The following SLC5A9 variants were observed in gnomAD, a reference collection of about 807,000 sequenced individuals.
SLC5A9 encodes sodium/glucose cotransporter 4.
Under a neutral mutation model 70.9 loss-of-function variants are expected in SLC5A9, and 59 were observed. The observed-to-expected ratio is 0.83, with a 90% CI of 0.68 to 1.03. The LOEUF (loss-of-function observed/expected upper bound fraction) is 1.03, where lower values mean the gene tolerates loss of function less well. Ranked by LOEUF, SLC5A9 falls within the 50% of genes least tolerant of loss-of-function variation. The pLI is 0.00. For missense variants in SLC5A9, 832 were observed against 881.1 expected (o/e 0.94, Z 0.71); for synonymous variants, 340 against 346.5 (o/e 0.98, Z 0.21).
At chr1:48,235,914 C>T (rs780889650) in intron 10 of SLC5A9, 35 bp downstream of exon 10, 1 of 1,612,984 alleles carries the variant, frequency 6.2e-7, no homozygotes. Flanking sequence ...TTCCGAAGTG[C>T]CCTCTCCCCT....
intron 1 of SLC5A9, 48 bp from the exon 2 acceptor site, chr1:48,224,676 G>T: frequency 6.3e-7 from 1 of 1,589,448 alleles, no homozygotes; most frequent in Non-Finnish European, 8.6e-7. Context: ...GCAGGGCAGA[G>T]GTTCAGAGAG....
intron 5 of SLC5A9, 76 bp downstream of exon 5, chr1:48,230,781 AC>A (rs1387038073): frequency 9.1e-7 from 1 of 1,095,880 alleles, no homozygotes; most frequent in Non-Finnish European, 1.4e-6. Flanking sequence ...AGGAGAGACA[AC>A]CAGAGAGAGA....
At position 48,237,958 on chromosome 1, in the gene SLC5A9, A is replaced by G. The variant is rs1644350681; in HGVS notation, c.1461+111A>G. 5.0e-5 allele frequency: 58 copies of G among 1,157,648 alleles called. 1 individual carries two copies. The South Asian group carries it at 8.5e-4, about 17-fold the overall frequency. 71.7% of individuals were successfully genotyped at this position (1,157,648 alleles called of 1,614,324 possible). The stretch of plus-strand genomic sequence containing the variant: ...AAATCCACTTCCCCTCTAGGCTTCC[A>G]TTTTCCTGACCACAGCATCCAGCCT... On this transcript the variant is annotated intron_variant, in intron 11 of 13. Transcript: ENST00000438567.
chr1:48,235,708 A>G lies in SLC5A9; in HGVS notation c.1142-21A>G, dbSNP rs747713149. 7.4e-6 allele frequency: 12 copies of G among 1,613,638 alleles called. No individual in the cohort carries two copies. The South Asian group carries it at 1.3e-4, about 18-fold the overall frequency. On this transcript the variant is annotated intron_variant, in intron 9 of 13. Coordinates refer to ENST00000438567, the MANE Select transcript of SLC5A9 (RefSeq NM_001011547.3). ...CGGCCTTAATGGGCCAGCCGTTCAC[A>G]TGAGCCTCGTCTCTCCCCAGGTCTG...
intron 10 of SLC5A9, 126 bp downstream of exon 10, chr1:48,236,005 C>T (rs954774783): frequency 1.9e-6 from 2 of 1,034,210 alleles, no homozygotes; most frequent in Non-Finnish European, 2.8e-6. Context: ...GTTCAAGCTC[C>T]AGCTCTCCAC....
In SLC5A9 at chr1:48,246,577, G is replaced by T. The variant is rs1441851274; in HGVS notation, c.1838-758G>T. 2.0e-5 allele frequency among the ~76,000 whole-genome samples: 3 copies of T among 152,090 alleles called. No homozygotes were observed. In the South Asian group the frequency reaches 6.2e-4, roughly 32 times the overall value. On this transcript the variant is annotated intron_variant, in intron 13 of 13. Coordinates refer to ENST00000438567, the MANE Select transcript of SLC5A9 (RefSeq NM_001011547.3). ...ACTTCTTTTGAATTTAGTTTTTAGT[G>T]AATTGTGCTACCTTTTAACCTCAGA...
At chr1:48,237,870 T>C in intron 11 of SLC5A9, 23 bp downstream of exon 11, 1 of 1,612,516 alleles carries the variant, frequency 6.2e-7, no homozygotes, top group South Asian at 1.1e-5. Context: ...TACCTGTCTC[T>C]CACATACAGC....
rs1644363475 is a variant in SLC5A9, at chr1:48,239,199, T to C, written c.1462-123T>C. 4.2e-6 allele frequency: 3 copies of C among 709,604 alleles called. No homozygotes were observed. Among genetic ancestry groups the C allele is most frequent in the Admixed American group, 2.6e-5 (1 of 37,956 alleles). 44.0% of individuals were successfully genotyped at this position (709,604 alleles called of 1,614,324 possible). ...AATGGAGAACTCATTTTCCCATTAGTAGATGGATTTGCCCAACATGGCAAT... is the reference window on the plus strand; with the variant it reads ...AATGGAGAACTCATTTTCCCATTAGCAGATGGATTTGCCCAACATGGCAAT... On this transcript the variant is annotated intron_variant, in intron 11 of 13. Coordinates refer to ENST00000438567, the MANE Select transcript of SLC5A9 (RefSeq NM_001011547.3). The surrounding 1 kb of genome is among the most constrained non-coding windows in gnomAD (Gnocchi z 4.2).
intron 6 of SLC5A9, 151 bp downstream of exon 6, chr1:48,231,776 GT>G: frequency 3.3e-6 from 5 of 1,504,450 alleles, no homozygotes; most frequent in Non-Finnish European, 4.5e-6. Flanking sequence ...AAAGAGCAGG[GT>G]TCTCGCTACT....
chr1:48,244,201 T>C (rs1407667419), intron 13 of SLC5A9, among the ~76,000 whole-genome samples: 2 of 152,218 alleles, frequency 1.3e-5, no homozygotes, highest in Non-Finnish European at 2.9e-5. Flanking sequence ...TCTCATTGGA[T>C]TGGCCATAGC....
intron 13 of SLC5A9, 61 bp downstream of exon 13, chr1:48,242,677 C>T (rs974875264): frequency 2.7e-5 from 39 of 1,459,134 alleles, no homozygotes; most frequent in Middle Eastern, 2.6e-4. Context: ...AGACCTATGT[C>T]ATGGGCGGTC....
chr1:48,235,283 G>A (rs1169389390), intron 9 of SLC5A9, among the ~76,000 whole-genome samples: 1 of 152,184 alleles, frequency 6.6e-6, no homozygotes, highest in Non-Finnish European at 1.5e-5. Context: ...TGTCAATGAA[G>A]AAGGTATGGA....
chr1:48,234,481 G>T lies in SLC5A9; in HGVS notation c.1141+719G>T, dbSNP rs145158941. Among the ~76,000 whole-genome samples, 175 of 152,266 alleles carry T rather than the reference G, an allele frequency of 1.1e-3. 3 individuals carry two copies. The South Asian group carries it at 0.022, about 19-fold the overall frequency. On this transcript the variant is annotated intron_variant, in intron 9 of 13. Coordinates refer to ENST00000438567, the MANE Select transcript of SLC5A9 (RefSeq NM_001011547.3). ...GGTAGGCAGGGAGATTGTCCATGGG[G>T]AGTTTGCAGTGGTCCAGGTAGGTGG... is the stretch of plus-strand genomic sequence containing the variant.
At chr1:48,244,910 A>ATATATATATATATATATATATAT (rs56780309) in intron 13 of SLC5A9, among the ~76,000 whole-genome samples, 12 of 110,626 alleles carry the variant, frequency 1.1e-4, no homozygotes, top group East Asian at 2.7e-4. Flanking sequence ...ATATATATAT[A>ATATATATATATATATATATATAT]AAACCTCTGT....
intron 11 of SLC5A9, 152 bp downstream of exon 11, chr1:48,237,999 C>T (rs1240616734): frequency 2.5e-6 from 2 of 785,852 alleles, no homozygotes; most frequent in Admixed American, 3.0e-5. Context: ...CATTCATTCA[C>T]TCAACAAACA....
chr1:48,245,960 C>T (rs1557487228), intron 13 of SLC5A9, among the ~76,000 whole-genome samples: 2 of 150,660 alleles, frequency 1.3e-5, no homozygotes, highest in Non-Finnish European at 3.0e-5. Context: ...GACCCTGTCT[C>T]AAAATATATA....
intron 8 of SLC5A9, 55 bp downstream of exon 8, chr1:48,232,557 C>T (rs1219935141): frequency 6.4e-5 from 103 of 1,602,642 alleles, no homozygotes; most frequent in Non-Finnish European, 8.8e-5. Flanking sequence ...CAAGGAGTGT[C>T]TGGAGAATGG....
Position 48,247,924 on chromosome 1 carries a change from T to G in SLC5A9, c.*381T>G. On this transcript the variant is annotated 3_prime_UTR_variant, in exon 14 of 14. Coordinates refer to ENST00000438567, the MANE Select transcript of SLC5A9 (RefSeq NM_001011547.3). The stretch of plus-strand genomic sequence containing the variant: ...ACAAGAAAAGGAGCAGGAAGAAATT[T>G]GCAAAAATCCAAGAGCACCTTTGCT... The G allele has an allele frequency of 4.7e-6, 1 of 211,486 alleles. No individual in the cohort carries two copies. Among genetic ancestry groups the G allele is most frequent in the Non-Finnish European group, 9.7e-6 (1 of 103,420 alleles). The allele number at this position is 211,486 out of a possible 1,614,324, so 13.1% of individuals were successfully genotyped here.
At chr1:48,226,074 C>T (rs1644142254) in intron 2 of SLC5A9, among the ~76,000 whole-genome samples, 2 of 152,146 alleles carry the variant, frequency 1.3e-5, no homozygotes, top group South Asian at 4.1e-4. Flanking sequence ...TCTTGTCTGT[C>T]CAGCATGACA....
Sources: allele counts gnomAD v4.1 joint callset (sites outside exome capture counted in the v4.1 genomes callset), GRCh38; gene constraint gnomAD v4.1.1; non-coding constraint Gnocchi (gnomAD v3.1); transcripts MANE v1.5; gene names NCBI Gene and HGNC (gene_info 2026-07-23, HGNC 2026-07-21).